PREX1: variants seen among roughly 807,000 people sequenced by gnomAD.
The protein encoded by PREX1 is phosphatidylinositol 3,4,5-trisphosphate-dependent Rac exchanger 1 protein.
Under a neutral mutation model 198.3 loss-of-function variants are expected in PREX1, and 41 were observed. The ratio of observed to expected loss-of-function variants is 0.21; its 90% CI spans 0.16 to 0.27. The LOEUF (loss-of-function observed/expected upper bound fraction) is 0.27. Among genes scored for constraint, PREX1 ranks in the 10% least tolerant of loss-of-function variants. PREX1 has a pLI of 1.00. For synonymous variants in PREX1, 843 were observed against 887.2 expected, an observed-to-expected ratio of 0.95 and a Z score of 0.89; for missense variants, 1,620 against 2,200.7, an observed-to-expected ratio of 0.74 and a Z score of 5.28.
rs539720562 is a variant in PREX1 at position 48,734,870 on chromosome 20, T to C, written c.415-220A>G. Among the ~76,000 whole-genome samples the C allele has an allele frequency of 3.9e-5, 6 of 152,262 alleles. No individual in the cohort carries two copies. In the South Asian group the frequency reaches 1.0e-3, roughly 26 times the overall value. On this transcript the variant is annotated intron_variant, in intron 3 of 39. Coordinates refer to ENST00000371941, the MANE Select transcript of PREX1 (RefSeq NM_020820.4). Reference sequence around the variant, plus strand: ...GCACTCAGGGGCCTGAATAACTTTTTGGGAAGCAGTGTGGCCTGGGGGTCA... The same window carrying C: ...GCACTCAGGGGCCTGAATAACTTTTCGGGAAGCAGTGTGGCCTGGGGGTCA...
At chr20:48,886,090 T>G in the PREX1 span, among the ~76,000 whole-genome samples, 1 of 152,142 alleles carries the variant, frequency 6.6e-6, no homozygotes, top group African/African-American at 2.4e-5. Context: ...AATGTGTCAA[T>G]GTAGGTTCAT....
At chr20:48,718,093 C>G (rs981010758) in intron 5 of PREX1, among the ~76,000 whole-genome samples, 1 of 152,202 alleles carries the variant, frequency 6.6e-6, no homozygotes, top group African/African-American at 2.4e-5. Flanking sequence ...GTTACAACCA[C>G]CCTACTCACT....
intron 1 of PREX1, among the ~76,000 whole-genome samples, chr20:48,808,090 T>C (rs2090419988): frequency 6.6e-6 from 1 of 152,134 alleles, no homozygotes; most frequent in South Asian, 2.1e-4. Flanking sequence ...GTCGGAACAT[T>C]CTGGATCCTG....
chr20:48,860,579 G>A, the PREX1 span, among the ~76,000 whole-genome samples: 5 of 152,170 alleles, frequency 3.3e-5, no homozygotes, highest in African/African-American at 7.2e-5. Context: ...CAGGTGCCAC[G>A]TCTGTAATTC....
At chr20:48,715,758 C>T (rs1479840840) in intron 5 of PREX1, among the ~76,000 whole-genome samples, 1 of 152,126 alleles carries the variant, frequency 6.6e-6, no homozygotes, top group African/African-American at 2.4e-5. Context: ...AAATAGAAGT[C>T]GTGGTAATAG....
chr20:48,880,345 A>T, the PREX1 span, among the ~76,000 whole-genome samples: 1 of 152,210 alleles, frequency 6.6e-6, no homozygotes, highest in Non-Finnish European at 1.5e-5. Flanking sequence ...CAGGAATAAC[A>T]GTGGCATAAA....
At chr20:48,777,306 G>T (rs1169276517) in intron 1 of PREX1, among the ~76,000 whole-genome samples, 1 of 152,094 alleles carries the variant, frequency 6.6e-6, no homozygotes, top group Non-Finnish European at 1.5e-5. Flanking sequence ...TGAGGCCCAG[G>T]AGCCCCCGGC....
chr20:48,856,869 T>A, the PREX1 span, among the ~76,000 whole-genome samples: 3 of 152,258 alleles, frequency 2.0e-5, no homozygotes, highest in Admixed American at 6.5e-5. Flanking sequence ...TGTGACAGTC[T>A]TGCTTTATCA....
At chr20:48,656,898 A>T in intron 18 of PREX1, 142 bp downstream of exon 18, 2 of 1,191,332 alleles carry the variant, frequency 1.7e-6, no homozygotes, top group Admixed American at 2.8e-5. Context: ...CTGCCGAATT[A>T]ATGAAGGTCC....
At chr20:48,856,625 A>ACTTTT in the PREX1 span, among the ~76,000 whole-genome samples, 7 of 152,196 alleles carry the variant, frequency 4.6e-5, no homozygotes, top group African/African-American at 7.2e-5. Context: ...AAGTAAAATC[A>ACTTTT]CTTTTCTTTT....
chr20:48,755,071 G>A (rs1206903537), intron 1 of PREX1, among the ~76,000 whole-genome samples: 1 of 152,106 alleles, frequency 6.6e-6, no homozygotes, highest in Non-Finnish European at 1.5e-5. Context: ...TTCCATCACT[G>A]GGGGTTTAGT....
chr20:48,863,492 T>G, the PREX1 span, among the ~76,000 whole-genome samples: 6 of 150,368 alleles, frequency 4.0e-5, no homozygotes, highest in African/African-American at 1.2e-4. Context: ...TTTTGTGGGG[T>G]TTTTTTGTTT....
chr20:48,745,232 G>T, intron 2 of PREX1, 85 bp from the exon 3 acceptor site: 1 of 1,437,334 alleles, frequency 7.0e-7, no homozygotes. Context: ...AAACCTCGGT[G>T]CGGGTGACAT....
the PREX1 span, among the ~76,000 whole-genome samples, chr20:48,886,999 G>A: frequency 8.5e-5 from 13 of 152,116 alleles, no homozygotes; most frequent in African/African-American, 3.1e-4. Flanking sequence ...CACAACCATC[G>A]GAGGTAGGTA....
upstream of PREX1, among the ~76,000 whole-genome samples, chr20:48,828,363 C>T (rs1487282087): frequency 6.6e-6 from 1 of 152,022 alleles, no homozygotes; most frequent in African/African-American, 2.4e-5. Flanking sequence ...CACTCCCACC[C>T]GGCACACGCG....
At chr20:48,709,470 GC>G (rs1170283605) in intron 5 of PREX1, among the ~76,000 whole-genome samples, 1 of 152,186 alleles carries the variant, frequency 6.6e-6, no homozygotes, top group Non-Finnish European at 1.5e-5. Flanking sequence ...CCGGGCCTCG[GC>G]TTCATCATCT....
intron 5 of PREX1, among the ~76,000 whole-genome samples, chr20:48,720,931 A>G (rs2089982357): frequency 6.6e-6 from 1 of 152,134 alleles, no homozygotes; most frequent in Non-Finnish European, 1.5e-5. Flanking sequence ...CACAGACCCA[A>G]GGCTGTACCC....
At chr20:48,686,071 A>G (rs2097494362) in intron 10 of PREX1, among the ~76,000 whole-genome samples, 1 of 152,234 alleles carries the variant, frequency 6.6e-6, no homozygotes, top group African/African-American at 2.4e-5. Context: ...GATCTTGTAC[A>G]GAACCCTTCC....
At position 48,629,520 on chromosome 20, in the gene PREX1, G is replaced by T; in HGVS notation, c.4695C>A (p.Ile1565=). 6.2e-7 allele frequency: 1 copy of T among 1,614,124 alleles called. No individual in the cohort carries two copies. The highest frequency in any genetic ancestry group is 8.5e-7 in the Non-Finnish European group (1 of 1,179,960). ...GAAGSVGAGL[I]PISSELCYRL... ...GGTAGCAGAGCTCCGAGGAGATGGGGATGAGGCCGGCGCCCACACTCCCAG... is the reference window on the plus strand; with the variant it reads ...GGTAGCAGAGCTCCGAGGAGATGGGTATGAGGCCGGCGCCCACACTCCCAG... The change falls in exon 37 of 40, where the codon ATC becomes ATA. Residue 1565 remains isoleucine (I), a synonymous_variant. Transcript: ENST00000371941.
Sources: allele counts gnomAD v4.1 joint callset (sites outside exome capture counted in the v4.1 genomes callset), GRCh38; gene constraint gnomAD v4.1.1; transcripts MANE v1.5; gene names NCBI Gene and HGNC (gene_info 2026-07-23, HGNC 2026-07-21).